The following CTSA variants were observed in gnomAD, a reference collection of about 807,000 sequenced individuals.
CTSA encodes the protein lysosomal protective protein.
Under a neutral mutation model 66.7 loss-of-function variants are expected in CTSA, and 42 were observed. That is an observed-to-expected ratio of 0.63 (90% CI 0.49 to 0.81). CTSA has a LOEUF of 0.81. Among genes scored for constraint, CTSA ranks in the 40% least tolerant of loss-of-function variants. The pLI is 0.00. For missense variants in CTSA, 525 were observed against 610.9 expected (o/e 0.86, Z 1.48); for synonymous variants, 225 against 248.6 (o/e 0.91, Z 0.89).
At chr20:45,894,470 G>A in intron 8 of CTSA, 180 bp from the exon 9 acceptor site, 1 of 679,836 alleles carries the variant, frequency 1.5e-6, no homozygotes, top group East Asian at 2.7e-5. Context: ...GGGAGGCAGT[G>A]ATGCTAGGAT....
chr20:45,892,664 T>G, intron 5 of CTSA, 61 bp from the exon 6 acceptor site: 1 of 1,607,020 alleles, frequency 6.2e-7, no homozygotes, highest in East Asian at 2.2e-5. Flanking sequence ...ATCTCTGAAG[T>G]TCTTTCCAGT....
At chr20:45,897,940 G>T in intron 13 of CTSA, 65 bp from the exon 14 acceptor site, 1 of 1,580,216 alleles carries the variant, frequency 6.3e-7, no homozygotes, top group South Asian at 1.1e-5. Context: ...CAGCCCTAAG[G>T]TCTTGCTGGT....
intron 5 of CTSA, 115 bp from the exon 6 acceptor site, chr20:45,892,610 G>A: frequency 1.3e-6 from 2 of 1,504,612 alleles, no homozygotes; most frequent in Non-Finnish European, 1.8e-6. Flanking sequence ...TGGTATGGTG[G>A]CCAGTCACTT....
At chr20:45,896,925 G>C in intron 11 of CTSA, 40 bp from the exon 12 acceptor site, 1 of 1,561,686 alleles carries the variant, frequency 6.4e-7, no homozygotes, top group Non-Finnish European at 8.8e-7. Context: ...TTTTCGCCCC[G>C]ACCTGGTCTT....
intron 13 of CTSA, 28 bp downstream of exon 13, chr20:45,897,834 T>C: frequency 6.4e-7 from 1 of 1,554,416 alleles, no homozygotes; most frequent in Non-Finnish European, 8.9e-7. Context: ...GGCCCTGGGA[T>C]AGGGGCTGCT....
chr20:45,897,524 A>C (rs2083123504), intron 12 of CTSA, 193 bp from the exon 13 acceptor site: 1 of 586,430 alleles, frequency 1.7e-6, no homozygotes, highest in Admixed American at 2.9e-5. Context: ...GATAATAATG[A>C]TATCTACCTT....
intron 8 of CTSA, 127 bp downstream of exon 8, chr20:45,894,199 G>A: frequency 5.2e-6 from 4 of 762,730 alleles, no homozygotes; most frequent in Non-Finnish European, 7.0e-6. Context: ...AAGCAATTTA[G>A]TGTTCTCTGG....
At chr20:45,897,099 C>A in intron 12 of CTSA, 59 bp downstream of exon 12, 1 of 1,326,658 alleles carries the variant, frequency 7.5e-7, no homozygotes, top group Non-Finnish European at 1.1e-6. Flanking sequence ...AGTAGCACAG[C>A]AAGCTGGGGG....
intron 5 of CTSA, 103 bp downstream of exon 5, chr20:45,892,587 T>C (rs1277033391): frequency 6.7e-7 from 1 of 1,498,774 alleles, no homozygotes; most frequent in Admixed American, 1.7e-5. Context: ...TTTCGCTCTG[T>C]CATATGCTAT....
intron 11 of CTSA, 132 bp from the exon 12 acceptor site, chr20:45,896,833 C>A (rs536421636): frequency 4.9e-5 from 39 of 795,686 alleles, no homozygotes; most frequent in Admixed American, 1.6e-4. Context: ...TGGCCCCCCC[C>A]CAAAAAGGGG....
rs73306272 is a variant in CTSA, at chr20:45,894,495, G to A, written c.778-155G>A. Among the ~76,000 whole-genome samples the A allele has an allele frequency of 0.014, 2,090 of 152,284 alleles. 54 individuals are homozygous for A. Among genetic ancestry groups the A allele is most frequent in the African/African-American group, 0.048 (1,990 of 41,550 alleles). On this transcript the variant is annotated intron_variant, in intron 8 of 14. Transcript: ENST00000646241. ...GATGCTAGGATTTGGACCCAGGTCT[G>A]GGAAGATTCCTGCCACTGAGCCTCA...
At chr20:45,892,624 C>T in intron 5 of CTSA, 101 bp from the exon 6 acceptor site, 1 of 1,549,130 alleles carries the variant, frequency 6.5e-7, no homozygotes, top group East Asian at 2.2e-5. Flanking sequence ...GTCACTTCCT[C>T]TTGCACAAAT....
intron 11 of CTSA, 60 bp from the exon 12 acceptor site, chr20:45,896,905 T>A (rs2083114441): frequency 7.5e-7 from 1 of 1,339,232 alleles, no homozygotes; most frequent in Admixed American, 1.7e-5. Context: ...AGGTCTGATC[T>A]GTTGACTACT....
Position 45,891,393 on chromosome 20 carries a change from G to A in CTSA, c.-1+14G>A. On this transcript the variant is annotated intron_variant, in intron 1 of 14. Coordinates refer to ENST00000646241, the MANE Select transcript of CTSA (RefSeq NM_000308.4). This position sits in a 1 kb window ranked among gnomAD's most constrained non-coding sequence, Gnocchi z 4.6. ...GGGGGAGCAGAGGTGAGCTGGCACC[G>A]GAGGCTGGAGGGGATCCCCGAGCCC... The A allele has an allele frequency of 1.3e-6, 2 of 1,565,698 alleles. No homozygotes were observed. Among genetic ancestry groups the A allele is most frequent in the African/African-American group, 1.4e-5 (1 of 74,058 alleles).
At chr20:45,896,880 T>G in intron 11 of CTSA, 85 bp from the exon 12 acceptor site, 79 of 1,107,294 alleles carry the variant, frequency 7.1e-5, no homozygotes, top group Non-Finnish European at 9.7e-5. Context: ...GGTTGGAGCT[T>G]GGAGATAGGA....
rs763420130 is a variant in CTSA, at chr20:45,898,070, C to T, written c.1320C>T (p.Phe440=). 22 of 1,613,964 alleles carry T rather than the reference C, an allele frequency of 1.4e-5. No homozygotes were observed. Among genetic ancestry groups the T allele is most frequent in the African/African-American group, 5.3e-5 (4 of 74,868 alleles). ...ACAGCGGGGAGCAGATTGCCGGCTT[C>T]GTGAAGGAGTTCTCCCACATCGCCT... ...YGDSGEQIAG[F]VKEFSHIAFL... is the part of the protein sequence containing the mutation. Residue 440 remains phenylalanine, a synonymous_variant, in exon 14 of 15, where the codon TTC becomes TTT. Coordinates refer to ENST00000646241, the MANE Select transcript of CTSA (RefSeq NM_000308.4). This position sits in a 1 kb window ranked among gnomAD's most constrained non-coding sequence, Gnocchi z 4.6.
chr20:45,891,744 C>A lies in CTSA; in HGVS notation c.176C>A (p.Ser59Tyr). 6.2e-7 allele frequency: 1 copy of A among 1,613,802 alleles called. No individual in the cohort carries two copies. Among genetic ancestry groups the A allele is most frequent in the Non-Finnish European group, 8.5e-7 (1 of 1,180,044 alleles). Residue 59 changes from serine (S) to tyrosine (Y), a missense_variant, in exon 2 of 15, where the codon TCC becomes TAC. This residue lies in a region of CTSA where 246 missense variants were observed against 267.4 expected (regional missense o/e 0.92). Coordinates refer to ENST00000646241, the MANE Select transcript of CTSA (RefSeq NM_000308.4). The surrounding 1 kb of genome is among the most constrained non-coding windows in gnomAD (Gnocchi z 4.6). Reference sequence around the variant, plus strand: ...TCCGGCTACCTCAAAGGCTCCGGCTCCAAGCACCTCCACTACTGGTCTGCC... The same window carrying A: ...TCCGGCTACCTCAAAGGCTCCGGCTACAAGCACCTCCACTACTGGTCTGCC... ...QYSGYLKGSG[S>Y]KHLHYWFVES...
chr20:45,894,593 G>A, intron 8 of CTSA, 57 bp from the exon 9 acceptor site: 4 of 1,450,122 alleles, frequency 2.8e-6, no homozygotes, highest in South Asian at 1.1e-5. Flanking sequence ...ACAACTTGGT[G>A]GGGTCGTGGA....
At position 45,895,377 on chromosome 20, in the gene CTSA, G is replaced by C. The variant is rs188917466; in HGVS notation, c.1088+244G>C. ...ACTCTGTCACCTAGGCTGGAGTGCA[G>C]TGGTGTGATCATAGCTCACTGCAGC... On this transcript the variant is annotated intron_variant, in intron 11 of 14. Coordinates refer to ENST00000646241, the MANE Select transcript of CTSA (RefSeq NM_000308.4). 76 of 506,940 alleles carry C rather than the reference G, an allele frequency of 1.5e-4. No individual in the cohort carries two copies. In the East Asian group the frequency reaches 2.6e-3, roughly 18 times the overall value. The allele number at this position is 506,940 out of a possible 1,614,324, so 31.4% of individuals were successfully genotyped here. A position where few individuals can be genotyped will look rare whatever the true frequency, so the allele number is the denominator to read the frequency against.
Sources: gnomAD v4.1 joint callset for allele counts (sites outside exome capture counted in the v4.1 genomes callset) on GRCh38, gnomAD v4.1.1 for gene constraint, gnomAD v4.1.1 regional missense constraint, Gnocchi (gnomAD v3.1) non-coding constraint, MANE v1.5 for transcripts, NCBI Gene and HGNC (gene_info 2026-07-23, HGNC 2026-07-21) for gene names.